The following KAZN variants were observed in gnomAD, a reference collection of about 807,000 sequenced individuals.
KAZN encodes the protein kazrin.
In KAZN, 40 loss-of-function variants were observed where a neutral mutation model predicts 87.4. The observed-to-expected ratio is 0.46, with a 90% CI of 0.36 to 0.60. The LOEUF is 0.60. Ranked by LOEUF, KAZN falls within the 20% of genes least tolerant of loss-of-function variation. The pLI, the probability that KAZN is intolerant of heterozygous loss-of-function variation, is 0.00. For synonymous variants in KAZN, 466 were observed against 458.3 expected (o/e 1.02, Z -0.22); for missense variants, 898 against 1,073.9 (o/e 0.84, Z 2.29).
chr1:14,959,186 C>T (rs2101761861), intron 1 of KAZN, among the ~76,000 whole-genome samples: 1 of 152,302 alleles, frequency 6.6e-6, no homozygotes, highest in South Asian at 2.1e-4. Flanking sequence ...CCCCCACCCG[C>T]CCCTAGAGCC....
intron 1 of KAZN, among the ~76,000 whole-genome samples, chr1:13,954,962 G>A (rs548946350): frequency 4.0e-4 from 61 of 152,182 alleles, no homozygotes; most frequent in East Asian, 2.1e-3. Flanking sequence ...GCTCCAATTC[G>A]TCTTAGGCTT....
chr1:14,788,059 G>A (rs868483415), intron 1 of KAZN, among the ~76,000 whole-genome samples: 1 of 152,076 alleles, frequency 6.6e-6, no homozygotes, highest in African/African-American at 2.4e-5. Context: ...GGAAAACATG[G>A]GACCCCTTGT....
intron 1 of KAZN, among the ~76,000 whole-genome samples, chr1:14,607,247 C>T (rs968856173): frequency 2.0e-5 from 3 of 152,190 alleles, no homozygotes; most frequent in African/African-American, 7.2e-5. Flanking sequence ...TATAATACCT[C>T]AACGAATCCT....
chr1:14,313,656 T>G (rs571455480), intron 2 of KAZN, among the ~76,000 whole-genome samples: 4 of 152,292 alleles, frequency 2.6e-5, no homozygotes, highest in African/African-American at 9.6e-5. Context: ...TGACCTGCTT[T>G]TGAGTTCCAT....
At chr1:14,714,625 A>G (rs1642682425) in intron 1 of KAZN, among the ~76,000 whole-genome samples, 3 of 152,052 alleles carry the variant, frequency 2.0e-5, no homozygotes, top group Admixed American at 6.5e-5. Flanking sequence ...GAAGGCTGTC[A>G]TGGTCCTTAA....
At chr1:14,875,759 C>G (rs904107669) in intron 1 of KAZN, among the ~76,000 whole-genome samples, 1 of 152,222 alleles carries the variant, frequency 6.6e-6, no homozygotes, top group African/African-American at 2.4e-5. Flanking sequence ...CTTCGCCCAA[C>G]CCTCCACAGT....
At position 15,108,654 on chromosome 1, in the gene KAZN, G is replaced by A. The variant is rs542968946; in HGVS notation, c.2049-3773G>A. Among the ~76,000 whole-genome samples, 12 of 152,284 alleles carry A rather than the reference G, an allele frequency of 7.9e-5. No homozygotes were observed. In the South Asian group the frequency reaches 2.3e-3, roughly 29 times the overall value. Reference sequence around the variant, plus strand: ...CTGCCCTTGTAAATCCTTGGTTAATGGGTTGAGACTCAATGCTCGGGCTGG... The same window carrying A: ...CTGCCCTTGTAAATCCTTGGTTAATAGGTTGAGACTCAATGCTCGGGCTGG... On this transcript the variant is annotated intron_variant, in intron 13 of 14. Coordinates refer to ENST00000376030, the MANE Select transcript of KAZN (RefSeq NM_201628.3).
chr1:14,401,314 A>G (rs1663389902), intron 2 of KAZN, among the ~76,000 whole-genome samples: 1 of 152,012 alleles, frequency 6.6e-6, no homozygotes, highest in East Asian at 1.9e-4. Flanking sequence ...TATATATATA[A>G]TGTAGAAGAA....
intron 2 of KAZN, among the ~76,000 whole-genome samples, chr1:14,503,242 G>A (rs979472621): frequency 2.0e-5 from 3 of 151,836 alleles, no homozygotes; most frequent in African/African-American, 7.3e-5. Context: ...CCAGCACTTT[G>A]GGAGGCTAAG....
At chr1:13,903,110 T>C (rs1417922537) in intron 1 of KAZN, among the ~76,000 whole-genome samples, 2 of 152,228 alleles carry the variant, frequency 1.3e-5, no homozygotes, top group South Asian at 2.1e-4. Flanking sequence ...GGGAAGATTA[T>C]AAAAGTCTTG....
At chr1:14,109,704 C>A (rs890390248) in intron 1 of KAZN, among the ~76,000 whole-genome samples, 4 of 152,146 alleles carry the variant, frequency 2.6e-5, no homozygotes, top group African/African-American at 7.2e-5. Flanking sequence ...AGGGTAATTA[C>A]TCTAATTTGC....
At chr1:14,113,359 C>T (rs192382397) in intron 1 of KAZN, among the ~76,000 whole-genome samples, 3 of 152,276 alleles carry the variant, frequency 2.0e-5, no homozygotes, top group Admixed American at 6.5e-5. Flanking sequence ...GAAGAGCCAG[C>T]GTCACACCAC....
intron 1 of KAZN, among the ~76,000 whole-genome samples, chr1:13,976,580 G>C (rs1238109539): frequency 6.6e-6 from 1 of 151,704 alleles, no homozygotes; most frequent in Non-Finnish European, 1.5e-5. Flanking sequence ...AGTTCTCATT[G>C]GCAGCATTTT....
rs1553190085 is a variant in KAZN at position 15,101,164 on chromosome 1, T to TCTCTCTCTCTCTCTC, written c.1548-379_1548-378insCTCTCTCTCTCTCTC. Among the ~76,000 whole-genome samples, 28 of 127,768 alleles carry TCTCTCTCTCTCTCTC rather than the reference T, an allele frequency of 2.2e-4. 1 individual carries two copies. The highest frequency in any genetic ancestry group is 7.0e-4 in the African/African-American group (25 of 35,906). 83.8% of individuals were successfully genotyped at this position (127,768 alleles called of 152,430 possible). Reference sequence around the variant, plus strand: ...CCTTTCTGTTCTTGAGTCTCGGTCTTTCTCTCTCTCTCTCTCTCTCTCTGC... The same window carrying TCTCTCTCTCTCTCTC: ...CCTTTCTGTTCTTGAGTCTCGGTCTTCTCTCTCTCTCTCTCTCTCTCTCTCTCTCTCTCTCTCTGC... On this transcript the variant is annotated intron_variant, in intron 10 of 14. Transcript: ENST00000376030.
intron 8 of KAZN, among the ~76,000 whole-genome samples, chr1:15,089,129 C>T (rs1640411570): frequency 6.6e-6 from 1 of 152,098 alleles, no homozygotes; most frequent in Non-Finnish European, 1.5e-5. Context: ...TTTATTGCAT[C>T]TGGACACCCT....
At chr1:14,702,326 CTGTGTG>C (rs3222186) in intron 1 of KAZN, among the ~76,000 whole-genome samples, 64 of 133,364 alleles carry the variant, frequency 4.8e-4, no homozygotes, top group South Asian at 2.2e-3. Flanking sequence ...TTTTGCAAAA[CTGTGTG>C]TGTGTGTGTG....
At chr1:14,115,860 C>T (rs10928017) in intron 1 of KAZN, among the ~76,000 whole-genome samples, 33,366 of 152,026 alleles carry the variant, frequency 0.22, 3,974 homozygotes, top group Middle Eastern at 0.38. Flanking sequence ...TGGTCTCAGA[C>T]GGAAATAAGG....
intron 11 of KAZN, 122 bp from the exon 12 acceptor site, chr1:15,103,237 T>C: frequency 2.8e-6 from 2 of 709,926 alleles, no homozygotes; most frequent in Non-Finnish European, 4.8e-6. Context: ...ACTGCACTCA[T>C]GCCTGGGCAG....
intron 2 of KAZN, among the ~76,000 whole-genome samples, chr1:14,197,982 AACAGG>A (rs1296912110): frequency 6.6e-6 from 1 of 151,328 alleles, no homozygotes; most frequent in Non-Finnish European, 1.5e-5. Flanking sequence ...CCTCAGATTG[AACAGG>A]ACCACCGGGT....
Sources: allele counts gnomAD v4.1 joint callset (sites outside exome capture counted in the v4.1 genomes callset), GRCh38; gene constraint gnomAD v4.1.1; transcripts MANE v1.5; gene names NCBI Gene and HGNC (gene_info 2026-07-23, HGNC 2026-07-21).